The following EPB41L2 variants were observed in gnomAD, a reference collection of about 807,000 sequenced individuals.
EPB41L2 encodes the protein erythrocyte membrane protein band 4.1 like 2, also known as band 4.1-like protein 2.
A neutral mutation model predicts 113.0 loss-of-function variants in EPB41L2; 43 were observed. The ratio of observed to expected loss-of-function variants is 0.38; its 90% CI spans 0.30 to 0.49. The LOEUF (loss-of-function observed/expected upper bound fraction) is 0.49. Among genes scored for constraint, EPB41L2 ranks in the 20% least tolerant of loss-of-function variants. EPB41L2 has a pLI of 0.95. For missense variants in EPB41L2, 1,147 were observed against 1,223.4 expected, an observed-to-expected ratio of 0.94 and a Z score of 0.93; for synonymous variants, 442 against 436.7, an observed-to-expected ratio of 1.01 and a Z score of -0.15.
At chr6:130,968,991 C>T (rs568928779) in intron 1 of EPB41L2, among the ~76,000 whole-genome samples, 1 of 152,190 alleles carries the variant, frequency 6.6e-6, no homozygotes, top group South Asian at 2.1e-4. Context: ...GCAAAACCAA[C>T]GTCAAAGTTT....
At chr6:131,038,806 G>A (rs1023149741) in intron 1 of EPB41L2, among the ~76,000 whole-genome samples, 1 of 152,098 alleles carries the variant, frequency 6.6e-6, no homozygotes, top group African/African-American at 2.4e-5. Context: ...TTTCAAACTG[G>A]CAATTCGTAT....
chr6:130,973,804 C>T (rs1434659885), intron 1 of EPB41L2, among the ~76,000 whole-genome samples: 1 of 152,182 alleles, frequency 6.6e-6, no homozygotes, highest in African/African-American at 2.4e-5. Flanking sequence ...ACTGATGTTT[C>T]CTGTCTCCCT....
intron 1 of EPB41L2, among the ~76,000 whole-genome samples, chr6:130,992,145 A>C (rs1011218527): frequency 6.6e-6 from 1 of 152,326 alleles, no homozygotes; most frequent in Admixed American, 6.5e-5. Context: ...ACGTTTCTTC[A>C]GTAATTATTA....
At chr6:130,900,757 A>AG (rs1796057428) in intron 7 of EPB41L2, among the ~76,000 whole-genome samples, 1 of 152,230 alleles carries the variant, frequency 6.6e-6, no homozygotes, top group African/African-American at 2.4e-5. Context: ...ATACAGTCTT[A>AG]CAAGTATAGT....
At chr6:130,865,905 T>C in intron 16 of EPB41L2, 1 of 335,486 alleles carries the variant, frequency 3.0e-6, no homozygotes, top group Non-Finnish European at 5.4e-6. Flanking sequence ...AAGGGAATTA[T>C]GACAGAATTT....
chr6:130,872,127 GATTTA>G (rs777533307), intron 14 of EPB41L2, among the ~76,000 whole-genome samples: 4 of 152,092 alleles, frequency 2.6e-5, no homozygotes, highest in Non-Finnish European at 5.9e-5. Context: ...GGAACTTAAT[GATTTA>G]AATTATTCTC....
At chr6:131,023,742 T>C (rs1790103257) in intron 1 of EPB41L2, among the ~76,000 whole-genome samples, 1 of 103,742 alleles carries the variant, frequency 9.6e-6, no homozygotes, top group Non-Finnish European at 2.3e-5. Context: ...TATATATCTA[T>C]ATATCTATAT....
Position 130,960,470 on chromosome 6 carries a change from C to T in EPB41L2, c.-14-3971G>A, listed in dbSNP as rs1048535225. Among the ~76,000 whole-genome samples the T allele has an allele frequency of 3.3e-5, 5 of 152,024 alleles. No individual in the cohort carries two copies. In the East Asian group the frequency reaches 5.8e-4, roughly 18 times the overall value. On this transcript the variant is annotated intron_variant, in intron 1 of 19. Transcript: ENST00000337057. ...GTACAAATACAGACAGGAAGAGCAC[C>T]GACAAAACCATATGGTTAAGCCTCA...
At chr6:131,044,125 G>T (rs1562790391) in intron 1 of EPB41L2, among the ~76,000 whole-genome samples, 1 of 149,348 alleles carries the variant, frequency 6.7e-6, no homozygotes. Context: ...GAGCTCAGGA[G>T]ATTCTCCCAC....
chr6:130,996,872 G>T (rs1349900566), intron 1 of EPB41L2, among the ~76,000 whole-genome samples: 2 of 152,074 alleles, frequency 1.3e-5, no homozygotes, highest in Non-Finnish European at 1.5e-5. Flanking sequence ...CTGAACATGT[G>T]TTATAATTTT....
intron 1 of EPB41L2, among the ~76,000 whole-genome samples, chr6:131,018,036 A>G (rs913352804): frequency 6.6e-6 from 1 of 152,112 alleles, no homozygotes; most frequent in Non-Finnish European, 1.5e-5. Context: ...CATATAGGCT[A>G]TTTTCAACAG....
At chr6:131,034,582 A>G (rs1200882295) in intron 1 of EPB41L2, among the ~76,000 whole-genome samples, 2 of 152,240 alleles carry the variant, frequency 1.3e-5, no homozygotes, top group Non-Finnish European at 2.9e-5. Context: ...CCAAAATCAT[A>G]CAACTGGTTA....
chr6:131,006,889 C>T (rs1434611552), intron 1 of EPB41L2, among the ~76,000 whole-genome samples: 1 of 152,106 alleles, frequency 6.6e-6, no homozygotes, highest in Non-Finnish European at 1.5e-5. Context: ...ATCCTGTGCC[C>T]ATACCACCTT....
chr6:131,039,315 C>T (rs1170285646), intron 1 of EPB41L2, among the ~76,000 whole-genome samples: 1 of 152,132 alleles, frequency 6.6e-6, no homozygotes, highest in Non-Finnish European at 1.5e-5. Flanking sequence ...TCCTACATTT[C>T]CAAATTTCCA....
chr6:130,891,663 T>C (rs1035042645), intron 10 of EPB41L2, among the ~76,000 whole-genome samples: 32 of 152,110 alleles, frequency 2.1e-4, no homozygotes, highest in Admixed American at 2.1e-3. Context: ...CAGGTCAGGC[T>C]GGTCTCAAAC....
At chr6:130,977,766 C>A (rs147624879) in intron 1 of EPB41L2, among the ~76,000 whole-genome samples, 78 of 152,244 alleles carry the variant, frequency 5.1e-4, no homozygotes, top group African/African-American at 1.8e-3. Context: ...GTTAGCTACA[C>A]GTATAACATA....
At chr6:131,026,864 C>T (rs1790980724) in intron 1 of EPB41L2, among the ~76,000 whole-genome samples, 1 of 152,170 alleles carries the variant, frequency 6.6e-6, no homozygotes. Context: ...ATCTCACCTC[C>T]ACTCTTCTCT....
intron 19 of EPB41L2, among the ~76,000 whole-genome samples, chr6:130,850,526 A>G (rs1357061615): frequency 2.6e-5 from 4 of 152,220 alleles, no homozygotes; most frequent in South Asian, 4.2e-4. Context: ...AAGAATCACA[A>G]TATCAGCCTA....
chr6:130,979,435 C>T (rs1281506936), intron 1 of EPB41L2, among the ~76,000 whole-genome samples: 2 of 144,536 alleles, frequency 1.4e-5, no homozygotes, highest in Admixed American at 1.4e-4. Flanking sequence ...GTGGAGGCTG[C>T]AGTGAGCCAA....
Sources: gnomAD v4.1 joint callset for allele counts (sites outside exome capture counted in the v4.1 genomes callset) on GRCh38, gnomAD v4.1.1 for gene constraint, MANE v1.5 for transcripts, NCBI Gene and HGNC (gene_info 2026-07-23, HGNC 2026-07-21) for gene names.